Variants in HTR3A observed in about 807,000 individuals in gnomAD.
The protein encoded by HTR3A is 5-hydroxytryptamine (serotonin) receptor 3A, ionotropic.
Under a neutral mutation model 54.8 loss-of-function variants are expected in HTR3A, and 45 were observed. That is an observed-to-expected ratio of 0.82 (90% CI 0.65 to 1.05). The LOEUF is 1.05. Among genes scored for constraint, HTR3A ranks in the 50% least tolerant of loss-of-function variants. HTR3A has a pLI of 0.00. For synonymous variants in HTR3A, 297 were observed against 256.0 expected (o/e 1.16, Z -1.53); for missense variants, 657 against 614.0 (o/e 1.07, Z -0.74).
At chr11:113,988,192 A>C (rs1292763608) in intron 8 of HTR3A, among the ~76,000 whole-genome samples, 1 of 152,196 alleles carries the variant, frequency 6.6e-6, no homozygotes, top group Non-Finnish European at 1.5e-5. Flanking sequence ...TCTCATCAAG[A>C]GCTAGTGAAC....
intron 8 of HTR3A, among the ~76,000 whole-genome samples, chr11:113,988,836 G>A (rs1426214469): frequency 6.6e-6 from 1 of 152,156 alleles, no homozygotes; most frequent in Admixed American, 6.5e-5. Context: ...TCTTTTGTGA[G>A]GCTATTGTGA....
rs149119648 is a variant in HTR3A, at chr11:113,978,730, C to T, written c.220-503C>T. Among the ~76,000 whole-genome samples the T allele has an allele frequency of 4.6e-3, 696 of 152,282 alleles. 8 individuals are homozygous for T. Among genetic ancestry groups the T allele is most frequent in the African/African-American group, 0.016 (655 of 41,558 alleles). On this transcript the variant is annotated intron_variant, in intron 2 of 8. Transcript: ENST00000504030. ...TGTTGGCAGAGCACAGTGGCTCACA[C>T]CTGTAATCCCAGCACTTTGGGAAGC... is the stretch of plus-strand genomic sequence containing the variant.
In HTR3A at chr11:113,986,186, G is replaced by A. The variant is rs755435561; in HGVS notation, c.705+11G>A. The A allele has an allele frequency of 6.2e-7, 1 of 1,614,084 alleles. No homozygotes were observed. Among genetic ancestry groups the A allele is most frequent in the Non-Finnish European group, 8.5e-7 (1 of 1,179,968 alleles). On this transcript the variant is annotated intron_variant, in intron 6 of 8. Coordinates refer to ENST00000504030, the MANE Select transcript of HTR3A (RefSeq NM_000869.6). The stretch of plus-strand genomic sequence containing the variant: ...GAAATGAAGTTCTATGTGAGTGGGA[G>A]TGAATGTGGGTAAAATGGTGAATAA...
intron 4 of HTR3A, 139 bp from the exon 5 acceptor site, chr11:113,982,981 C>A: frequency 1.0e-6 from 1 of 954,092 alleles, no homozygotes. Flanking sequence ...AAAACCGAGG[C>A]CAGGCAAAAC....
intron 5 of HTR3A, among the ~76,000 whole-genome samples, chr11:113,983,926 C>T (rs1359081767): frequency 6.6e-6 from 1 of 152,180 alleles, no homozygotes; most frequent in Non-Finnish European, 1.5e-5. Flanking sequence ...ATCCCAGATA[C>T]CCTGGAACAC....
rs1229269004 is a variant in HTR3A, at chr11:113,983,216, T to C, written c.471T>C (p.Cys157=). 1 of 1,614,228 alleles carries C rather than the reference T, an allele frequency of 6.2e-7. No individual in the cohort carries two copies. Among genetic ancestry groups the C allele is most frequent in the Non-Finnish European group, 8.5e-7 (1 of 1,180,038 alleles). The change falls in exon 5 of 9, where the codon TGT becomes TGC. Residue 157 remains cysteine, a synonymous_variant. Transcript: ENST00000504030. ...AGCCCCTTCAGGTGGTGACTGCCTGTAGCCTCGACATCTACAACTTCCCCT... is the reference window on the plus strand; with the variant it reads ...AGCCCCTTCAGGTGGTGACTGCCTGCAGCCTCGACATCTACAACTTCCCCT... The part of the protein sequence containing the change: ...NYKPLQVVTA[C]SLDIYNFPFD...
chr11:113,983,110 C>T lies in HTR3A; in HGVS notation c.375-10C>T, dbSNP rs1591603416. The T allele has an allele frequency of 1.2e-6, 2 of 1,614,148 alleles. No individual in the cohort carries two copies. The highest frequency in any genetic ancestry group is 2.2e-5 in the East Asian group (1 of 44,880). On this transcript the variant is annotated splice_polypyrimidine_tract_variant and intron_variant, in intron 4 of 8. Coordinates refer to ENST00000504030, the MANE Select transcript of HTR3A (RefSeq NM_000869.6). Reference sequence around the variant, plus strand: ...TTGAGCTCCCAAACTAACCCCTTTTCCCCCGCCAGCGTGGATGTGGGGAAG... The same window carrying T: ...TTGAGCTCCCAAACTAACCCCTTTTTCCCCGCCAGCGTGGATGTGGGGAAG...
chr11:113,977,752 G>A lies in HTR3A; in HGVS notation c.68-19G>A, dbSNP rs1176722. The A allele has an allele frequency of 0.14, 226,258 of 1,612,456 alleles. 16,686 individuals are homozygous for A. Among genetic ancestry groups the A allele is most frequent in the Middle Eastern group, 0.15 (888 of 6,062 alleles). On this transcript the variant is annotated intron_variant, in intron 1 of 8. Transcript: ENST00000504030. ...GTCTTGGGGGGCTGGTGTCTACTTT[G>A]AACTGTTCTCCTTCCCAGCCAGGAG...
At position 113,979,179 on chromosome 11, in the gene HTR3A, G is replaced by C; in HGVS notation, c.220-54G>C. The C allele has an allele frequency of 5.1e-6, 7 of 1,368,462 alleles. No individual in the cohort carries two copies. The South Asian group carries it at 7.0e-5, about 14-fold the overall frequency. The allele number at this position is 1,368,462 out of a possible 1,614,324, so 84.8% of individuals were successfully genotyped here. ...CCTCCTTTAGGGGCTGGCATGTGCA[G>C]GGTGGCCCTCCAGTCCACAGGGTTA... On this transcript the variant is annotated intron_variant, in intron 2 of 8. Coordinates refer to ENST00000504030, the MANE Select transcript of HTR3A (RefSeq NM_000869.6).
chr11:113,982,689 A>C (rs76303657), intron 4 of HTR3A, among the ~76,000 whole-genome samples: 2,003 of 152,328 alleles, frequency 0.013, 30 homozygotes, highest in Non-Finnish European at 0.018. Context: ...GGAAGCAAAG[A>C]GAAGCCAGAG....
chr11:113,975,496 A>C, intron 1 of HTR3A, 104 bp downstream of exon 1: 1 of 929,386 alleles, frequency 1.1e-6, no homozygotes. Context: ...GGTGGGGAAC[A>C]GTGCAGCTGC....
Position 113,989,873 on chromosome 11 carries a change from C to G in HTR3A, c.*110C>G. The G allele has an allele frequency of 2.5e-6, 3 of 1,214,492 alleles. No individual in the cohort carries two copies. Among genetic ancestry groups the G allele is most frequent in the Non-Finnish European group, 2.4e-6 (2 of 833,718 alleles). 75.2% of individuals were successfully genotyped at this position (1,214,492 alleles called of 1,614,324 possible). On this transcript the variant is annotated 3_prime_UTR_variant, in exon 9 of 9. Coordinates refer to ENST00000504030, the MANE Select transcript of HTR3A (RefSeq NM_000869.6). This position sits in a 1 kb window ranked among gnomAD's most constrained non-coding sequence, Gnocchi z 4.4. ...GAATGCCAGGGACATTTTCAAGACA[C>G]AGACAAAGTCCCGTGCCCTGTTTCC...
At position 113,989,603 on chromosome 11, in the gene HTR3A, G is replaced by C; in HGVS notation, c.1277G>C (p.Arg426Pro). 1.2e-6 allele frequency: 2 copies of C among 1,614,156 alleles called. No homozygotes were observed. Among genetic ancestry groups the C allele is most frequent in the Non-Finnish European group, 1.7e-6 (2 of 1,180,026 alleles). Residue 426 changes from arginine to proline, a missense_variant, in exon 9 of 9, where the codon CGG becomes CCG. Transcript: ENST00000504030. The surrounding 1 kb of genome is among the most constrained non-coding windows in gnomAD (Gnocchi z 4.4). The stretch of plus-strand genomic sequence containing the variant: ...CTGCTGCAGGAGCTGTCCTCCATCC[G>C]GCAATTCCTGGAAAAGCGGGATGAG... ...CGLLQELSSI[R>P]QFLEKRDEIR...
intron 2 of HTR3A, among the ~76,000 whole-genome samples, chr11:113,978,722 G>A (rs1247976623): frequency 6.6e-6 from 1 of 152,178 alleles, no homozygotes; most frequent in Admixed American, 6.5e-5. Flanking sequence ...AGAGCACAGT[G>A]GCTCACACCT....
chr11:113,983,843 C>T (rs909412), intron 5 of HTR3A, among the ~76,000 whole-genome samples: 138,621 of 152,074 alleles, frequency 0.91, 64,571 homozygotes, highest in East Asian at 1. Context: ...CCTAAATTTG[C>T]GATTCTCACA....
Position 113,977,432 on chromosome 11 carries a change from A to G in HTR3A, c.68-339A>G, listed in dbSNP as rs1382834636. On this transcript the variant is annotated intron_variant, in intron 1 of 8. Coordinates refer to ENST00000504030, the MANE Select transcript of HTR3A (RefSeq NM_000869.6). The stretch of plus-strand genomic sequence containing the variant: ...AGCCAGCTTCCTTGTTGCTCCCCAG[A>G]GGCCCTCGCTTAGGCCCCGTGGGCC... The G allele has an allele frequency of 7.7e-6, 7 of 905,054 alleles. No homozygotes were observed. In the East Asian group the frequency reaches 1.9e-4, roughly 24 times the overall value. 56.1% of individuals were successfully genotyped at this position (905,054 alleles called of 1,614,324 possible).
At chr11:113,979,138 G>C in intron 2 of HTR3A, 95 bp from the exon 3 acceptor site, 1 of 953,098 alleles carries the variant, frequency 1.0e-6, no homozygotes, top group Non-Finnish European at 1.7e-6. Context: ...CAAAGCAATA[G>C]GGACACAAGG....
At chr11:113,985,950 C>G in intron 5 of HTR3A, 65 bp from the exon 6 acceptor site, 1 of 1,563,950 alleles carries the variant, frequency 6.4e-7, no homozygotes, top group Non-Finnish European at 8.8e-7. Flanking sequence ...TGTGTCCCAT[C>G]ATCACAGGGT....
At position 113,989,502 on chromosome 11, in the gene HTR3A, G is replaced by C. The variant is rs1439370910; in HGVS notation, c.1176G>C (p.Gln392His). The change falls in exon 9 of 9, where the codon CAG becomes CAC. Residue 392 changes from glutamine (Q) to histidine (H), a missense_variant. Transcript: ENST00000504030. This position sits in a 1 kb window ranked among gnomAD's most constrained non-coding sequence, Gnocchi z 4.4. ...ACTGCAGCCACATGGGAGGACCCCAGGACTTCGAGAAGAGCCCGAGGGACA... is the reference window on the plus strand; with the variant it reads ...ACTGCAGCCACATGGGAGGACCCCACGACTTCGAGAAGAGCCCGAGGGACA... ...GNHCSHMGGP[Q>H]DFEKSPRDRC... 1 of 1,614,022 alleles carries C rather than the reference G, an allele frequency of 6.2e-7. No homozygotes were observed. Among genetic ancestry groups the C allele is most frequent in the Non-Finnish European group, 8.5e-7 (1 of 1,180,028 alleles).
Sources: allele counts gnomAD v4.1 joint callset (sites outside exome capture counted in the v4.1 genomes callset), GRCh38; gene constraint gnomAD v4.1.1; non-coding constraint Gnocchi (gnomAD v3.1); transcripts MANE v1.5; gene names NCBI Gene and HGNC (gene_info 2026-07-23, HGNC 2026-07-21).